The following THRB variants were observed in gnomAD, a reference collection of about 807,000 sequenced individuals.
THRB encodes the protein nuclear receptor subfamily 1 group A member 2.
Under a neutral mutation model 47.8 loss-of-function variants are expected in THRB, and 12 were observed. The ratio of observed to expected loss-of-function variants is 0.25; its 90% CI spans 0.16 to 0.41. The LOEUF is 0.41. Ranked by LOEUF, THRB falls within the 10% of genes least tolerant of loss-of-function variation. The pLI, the probability that THRB is intolerant of heterozygous loss-of-function variation, is 1.00. For synonymous variants in THRB, 218 were observed against 212.2 expected (o/e 1.03, Z -0.24); for missense variants, 348 against 589.2 (o/e 0.59, Z 4.24).
chr3:24,420,440 G>C (rs566744173), intron 1 of THRB, among the ~76,000 whole-genome samples: 2 of 152,036 alleles, frequency 1.3e-5, no homozygotes, highest in Admixed American at 6.6e-5. Context: ...AGCACTTGAA[G>C]TAGCAGCACA....
chr3:24,130,635 G>A (rs754723571), intron 9 of THRB, among the ~76,000 whole-genome samples: 50 of 152,122 alleles, frequency 3.3e-4, no homozygotes, highest in Non-Finnish European at 6.2e-4. Flanking sequence ...AAAAGAGAAC[G>A]ATGACAGCCA....
rs750097330 is a variant in THRB at position 24,152,499 on chromosome 3, G to C, written c.284-9C>G. 6.6e-6 allele frequency: 9 copies of C among 1,365,838 alleles called. No homozygotes were observed. The highest frequency in any genetic ancestry group is 1.4e-5 in the African/African-American group (1 of 69,810). 84.6% of individuals were successfully genotyped at this position (1,365,838 alleles called of 1,614,324 possible). ...GTAACTGGGGATGTACCCTGTGAAG[G>C]AAATAAAAGAAGGAATATTAAAAAA... On this transcript the variant is annotated splice_polypyrimidine_tract_variant and intron_variant, in intron 5 of 10. Transcript: ENST00000646209.
intron 1 of THRB, among the ~76,000 whole-genome samples, chr3:24,423,468 A>G (rs1174314610): frequency 6.6e-6 from 1 of 151,830 alleles, no homozygotes; most frequent in Non-Finnish European, 1.5e-5. Flanking sequence ...TCCATAGACA[A>G]GTAAACTCTG....
At chr3:24,477,832 C>T (rs1433251362) in intron 1 of THRB, among the ~76,000 whole-genome samples, 1 of 150,532 alleles carries the variant, frequency 6.6e-6, no homozygotes, top group Non-Finnish European at 1.5e-5. Context: ...TACACCCGCC[C>T]AAAAAAGTAC....
intron 3 of THRB, among the ~76,000 whole-genome samples, chr3:24,257,270 A>G (rs1302943018): frequency 6.6e-6 from 1 of 152,088 alleles, no homozygotes; most frequent in African/African-American, 2.4e-5. Flanking sequence ...TTTTTGGTAT[A>G]TCAAAAGGTA....
chr3:24,293,078 T>C (rs2056105305), intron 3 of THRB, among the ~76,000 whole-genome samples: 1 of 152,216 alleles, frequency 6.6e-6, no homozygotes, highest in African/African-American at 2.4e-5. Flanking sequence ...TGTCCCAGAA[T>C]CAAGTATAAA....
intron 1 of THRB, among the ~76,000 whole-genome samples, chr3:24,404,814 T>G (rs1198815708): frequency 6.6e-6 from 1 of 151,850 alleles, no homozygotes; most frequent in African/African-American, 2.4e-5. Flanking sequence ...TCAAATAATT[T>G]GAGGACTGCC....
intron 1 of THRB, among the ~76,000 whole-genome samples, chr3:24,407,246 C>A (rs2067899080): frequency 6.6e-6 from 1 of 151,798 alleles, no homozygotes; most frequent in Non-Finnish European, 1.5e-5. Flanking sequence ...CGACCCTTTG[C>A]TGATTCCATG....
chr3:24,193,845 C>T (rs1051708555), intron 4 of THRB, among the ~76,000 whole-genome samples: 1 of 152,094 alleles, frequency 6.6e-6, no homozygotes, highest in African/African-American at 2.4e-5. Context: ...GCACAAATTG[C>T]AATTGCAAAA....
At chr3:24,286,735 T>A (rs1307533147) in intron 3 of THRB, among the ~76,000 whole-genome samples, 1 of 152,208 alleles carries the variant, frequency 6.6e-6, no homozygotes, top group African/African-American at 2.4e-5. Flanking sequence ...AAATTTTATG[T>A]CAAAGTTTTC....
chr3:24,175,722 A>G (rs1222695799), intron 5 of THRB, among the ~76,000 whole-genome samples: 1 of 152,170 alleles, frequency 6.6e-6, no homozygotes, highest in African/African-American at 2.4e-5. Flanking sequence ...GCATAAAAAA[A>G]TGCAAAAATA....
intron 3 of THRB, among the ~76,000 whole-genome samples, chr3:24,247,065 C>T (rs1321173259): frequency 6.6e-6 from 1 of 152,168 alleles, no homozygotes; most frequent in Non-Finnish European, 1.5e-5. Flanking sequence ...CTTCTTAGCT[C>T]CATGGCAAAG....
intron 2 of THRB, among the ~76,000 whole-genome samples, chr3:24,326,581 C>T (rs114929053): frequency 1.9e-3 from 293 of 152,126 alleles, no homozygotes; most frequent in African/African-American, 6.8e-3. Flanking sequence ...TTATACCTCC[C>T]ACTGGCATAG....
rs1291743152 is a variant in THRB at position 24,469,805 on chromosome 3, TG to T, written c.-261+24846del. ...TACGAGTAAAGAATGGAAAACCGTT[TG>T]GGTAACTTATTTTTATACCTGCTTT... On this transcript the variant is annotated intron_variant, in intron 1 of 10. Transcript: ENST00000646209. Among the ~76,000 whole-genome samples the T allele has an allele frequency of 2.6e-5, 4 of 152,336 alleles. No individual in the cohort carries two copies. In the South Asian group the frequency reaches 6.2e-4, roughly 24 times the overall value.
chr3:24,462,660 C>T (rs572600087), intron 1 of THRB, among the ~76,000 whole-genome samples: 1 of 152,200 alleles, frequency 6.6e-6, no homozygotes, highest in Non-Finnish European at 1.5e-5. Context: ...TGCATAAAAC[C>T]CTACTTTGCA....
At chr3:24,464,283 G>T (rs957514980) in intron 1 of THRB, among the ~76,000 whole-genome samples, 1 of 151,566 alleles carries the variant, frequency 6.6e-6, no homozygotes, top group Non-Finnish European at 1.5e-5. Flanking sequence ...ATAAATGGTT[G>T]CATTAGTTTG....
chr3:24,484,469 A>C (rs1050540399), intron 1 of THRB, among the ~76,000 whole-genome samples: 1 of 152,146 alleles, frequency 6.6e-6, no homozygotes, highest in Non-Finnish European at 1.5e-5. Context: ...ATTACATGTT[A>C]ATAATATTCT....
chr3:24,161,830 C>A (rs1160042794), intron 5 of THRB, among the ~76,000 whole-genome samples: 2 of 130,844 alleles, frequency 1.5e-5, no homozygotes, highest in Non-Finnish European at 3.3e-5. Flanking sequence ...CCTCCCCCAC[C>A]CCCACCCCCA....
chr3:24,368,407 T>C (rs956968507), intron 1 of THRB, among the ~76,000 whole-genome samples: 1 of 152,072 alleles, frequency 6.6e-6, no homozygotes, highest in African/African-American at 2.4e-5. Flanking sequence ...TCTAATACAA[T>C]GTACCATTAA....
Sources: gnomAD v4.1 joint callset for allele counts (sites outside exome capture counted in the v4.1 genomes callset) on GRCh38, gnomAD v4.1.1 for gene constraint, MANE v1.5 for transcripts, NCBI Gene and HGNC (gene_info 2026-07-23, HGNC 2026-07-21) for gene names.